DSCAM: variants seen among roughly 807,000 people sequenced by gnomAD.
DSCAM encodes DS cell adhesion molecule, also known as cell adhesion molecule DSCAM.
DSCAM carries 47 observed loss-of-function variants against 217.7 expected under a neutral mutation model. The observed-to-expected ratio is 0.22, with a 90% CI of 0.17 to 0.28. DSCAM has a LOEUF of 0.28. Ranked by LOEUF, DSCAM falls within the 10% of genes least tolerant of loss-of-function variation. DSCAM has a pLI of 1.00. For synonymous variants in DSCAM, 1,056 were observed against 1,015.3 expected, an observed-to-expected ratio of 1.04 and a Z score of -0.76; for missense variants, 2,080 against 2,618.3, an observed-to-expected ratio of 0.79 and a Z score of 4.49.
At chr21:40,240,166 C>T (rs2073130100) in intron 11 of DSCAM, among the ~76,000 whole-genome samples, 1 of 152,106 alleles carries the variant, frequency 6.6e-6, no homozygotes, top group Admixed American at 6.5e-5. Flanking sequence ...TTGGGCAGCA[C>T]CGATCTATAC....
At chr21:40,527,848 A>T (rs1429710338) in intron 3 of DSCAM, among the ~76,000 whole-genome samples, 1 of 152,124 alleles carries the variant, frequency 6.6e-6, no homozygotes, top group East Asian at 1.9e-4. Context: ...AAATCCTGAG[A>T]CAGAAACCCT....
At chr21:40,511,989 T>TC (rs2076261881) in intron 3 of DSCAM, among the ~76,000 whole-genome samples, 2 of 9,972 alleles carry the variant, frequency 2.0e-4, no homozygotes, top group African/African-American at 2.8e-3. Flanking sequence ...AGACTCTGTC[T>TC]CAAAAAAAAA....
At chr21:40,608,838 TC>T (rs1374284955) in intron 3 of DSCAM, among the ~76,000 whole-genome samples, 1 of 152,232 alleles carries the variant, frequency 6.6e-6, no homozygotes, top group Admixed American at 6.5e-5. Flanking sequence ...CCTCTTCTCT[TC>T]TTTAAATTTA....
At chr21:40,479,053 G>C (rs948074692) in intron 3 of DSCAM, among the ~76,000 whole-genome samples, 118 of 152,296 alleles carry the variant, frequency 7.7e-4, no homozygotes, top group African/African-American at 2.6e-3. Context: ...TGCAGATAAG[G>C]GGGAAGAATG....
chr21:40,282,081 T>A (rs1032841432), intron 10 of DSCAM, among the ~76,000 whole-genome samples: 1 of 152,192 alleles, frequency 6.6e-6, no homozygotes, highest in Non-Finnish European at 1.5e-5. Context: ...ATTGTGTTCA[T>A]TAGTGTGAGG....
chr21:40,134,413 ACT>A (rs1169424528), intron 18 of DSCAM, among the ~76,000 whole-genome samples: 3 of 152,152 alleles, frequency 2.0e-5, no homozygotes, highest in South Asian at 2.1e-4. Context: ...CCCACTGCCG[ACT>A]ATTCATTAGG....
chr21:40,717,386 G>A (rs1370658780), intron 1 of DSCAM, among the ~76,000 whole-genome samples: 1 of 152,246 alleles, frequency 6.6e-6, no homozygotes, highest in Non-Finnish European at 1.5e-5. Context: ...GTGAGCAAAT[G>A]TTTAAAGCAG....
chr21:40,527,741 G>C (rs1447098295), intron 3 of DSCAM, among the ~76,000 whole-genome samples: 6 of 152,244 alleles, frequency 3.9e-5, no homozygotes, highest in African/African-American at 1.4e-4. Context: ...AATAAATCCA[G>C]TATAATTATA....
intron 11 of DSCAM, among the ~76,000 whole-genome samples, chr21:40,252,604 A>G (rs1340210698): frequency 6.6e-6 from 1 of 152,196 alleles, no homozygotes; most frequent in Non-Finnish European, 1.5e-5. Flanking sequence ...TGTAATTGTT[A>G]TAATCAGAAA....
intron 27 of DSCAM, among the ~76,000 whole-genome samples, chr21:40,065,872 C>T (rs2089199043): frequency 6.6e-6 from 1 of 152,210 alleles, no homozygotes; most frequent in South Asian, 2.1e-4. Flanking sequence ...GACCTCACTG[C>T]AACAGCCCTC....
intron 1 of DSCAM, among the ~76,000 whole-genome samples, chr21:40,829,272 A>G (rs1026005102): frequency 6.6e-6 from 1 of 152,188 alleles, no homozygotes; most frequent in Non-Finnish European, 1.5e-5. Context: ...ATATGAGGTT[A>G]TCGACTCAGA....
intron 9 of DSCAM, among the ~76,000 whole-genome samples, chr21:40,311,273 T>C (rs987007626): frequency 5.9e-5 from 9 of 152,322 alleles, no homozygotes; most frequent in South Asian, 2.1e-4. Flanking sequence ...TGGATGAATA[T>C]TGTAATGGTA....
At chr21:40,294,895 T>G (rs988041616) in intron 10 of DSCAM, among the ~76,000 whole-genome samples, 10 of 152,274 alleles carry the variant, frequency 6.6e-5, no homozygotes, top group African/African-American at 2.4e-4. Flanking sequence ...GTGTGGTGTG[T>G]GACAGGGGAG....
chr21:40,460,871 T>C (rs1371995379), intron 3 of DSCAM, among the ~76,000 whole-genome samples: 2 of 152,118 alleles, frequency 1.3e-5, no homozygotes, highest in African/African-American at 4.8e-5. Flanking sequence ...ATGGATAAAA[T>C]ATATACAGAG....
At chr21:40,164,295 A>G (rs1196553889) in intron 16 of DSCAM, among the ~76,000 whole-genome samples, 1 of 152,124 alleles carries the variant, frequency 6.6e-6, no homozygotes, top group Non-Finnish European at 1.5e-5. Flanking sequence ...AGCATGTTAC[A>G]AACTGCCTGA....
chr21:40,456,043 C>A (rs2075760719), intron 3 of DSCAM, among the ~76,000 whole-genome samples: 1 of 151,676 alleles, frequency 6.6e-6, no homozygotes, highest in Non-Finnish European at 1.5e-5. Flanking sequence ...ACATATGTAA[C>A]AAACCTGCAC....
At chr21:40,371,128 T>G (rs1402878854) in intron 3 of DSCAM, among the ~76,000 whole-genome samples, 2 of 152,200 alleles carry the variant, frequency 1.3e-5, no homozygotes, top group Non-Finnish European at 2.9e-5. Context: ...TTCCAAACAA[T>G]TCCAGTTAGA....
chr21:40,189,757 G>A (rs117443574), intron 11 of DSCAM, among the ~76,000 whole-genome samples: 4,584 of 152,200 alleles, frequency 0.03, 88 homozygotes, highest in Middle Eastern at 0.058. Context: ...AACCATGTAG[G>A]ATGTGACTTG....
intron 3 of DSCAM, among the ~76,000 whole-genome samples, chr21:40,381,716 A>G (rs923051301): frequency 3.9e-5 from 6 of 152,204 alleles, no homozygotes; most frequent in African/African-American, 1.4e-4. Context: ...AAAGAATGAA[A>G]CTAACACTAT....
Sources: allele counts gnomAD v4.1 joint callset (sites outside exome capture counted in the v4.1 genomes callset), GRCh38; gene constraint gnomAD v4.1.1; transcripts MANE v1.5; gene names NCBI Gene and HGNC (gene_info 2026-07-23, HGNC 2026-07-21).